Variants in FOXL2 observed in about 807,000 individuals in gnomAD.
The protein encoded by FOXL2 is forkhead box L2, also known as forkhead box protein L2.
FOXL2 carries 3 observed loss-of-function variants against 2.5 expected under a neutral mutation model. The observed-to-expected ratio is 1.20, with a 90% CI of 0.55 to 3.11. The LOEUF (loss-of-function observed/expected upper bound fraction) is 3.11, where lower values mean the gene tolerates loss of function less well. FOXL2 is among the 30% of genes most tolerant of loss of function. The pLI, the probability that FOXL2 is intolerant of heterozygous loss-of-function variation, is 0.03. For synonymous variants in FOXL2, 315 were observed against 269.4 expected, an observed-to-expected ratio of 1.17 and a Z score of -1.66; for missense variants, 512 against 570.0, an observed-to-expected ratio of 0.90 and a Z score of 1.04.
chr3:138,946,596 C>A lies in FOXL2; in HGVS notation c.127G>T (p.Gly43Trp). The change falls in exon 1 of 1, where the codon GGG becomes TGG. Residue 43 changes from glycine (G) to tryptophan (W), a missense_variant. Coordinates refer to ENST00000648323, the MANE Select transcript of FOXL2 (RefSeq NM_023067.4). ...SPGKGGGGGG[G>W]TAPEKPDPAQ... ...GGGTCCGGCTTCTCCGGGGCTGTCC[C>A]GCCGCCACCCCCACCGCCCTTGCCT... is the stretch of plus-strand genomic sequence containing the variant. 1 of 1,605,386 alleles carries A rather than the reference C, an allele frequency of 6.2e-7. No homozygotes were observed. The highest frequency in any genetic ancestry group is 2.2e-5 in the East Asian group (1 of 44,726).
chr3:138,945,239 G>GTCAGT lies in FOXL2; in HGVS notation c.*352_*353insACTGA. The GTCAGT allele has an allele frequency of 8.1e-6, 2 of 245,950 alleles. No individual in the cohort carries two copies. Among genetic ancestry groups the GTCAGT allele is most frequent in the South Asian group, 1.6e-4 (1 of 6,312 alleles). The allele number at this position is 245,950 out of a possible 1,614,324, so 15.2% of individuals were successfully genotyped here. A position where few individuals can be genotyped will look rare whatever the true frequency, so the allele number is the denominator to read the frequency against. ...CAAGAGGTCTGCGCTGCCGACGCCC[G>GTCAGT]GTCGCACCTCCGCCCCGGGCCCTTT... On this transcript the variant is annotated 3_prime_UTR_variant, in exon 1 of 1. Transcript: ENST00000648323.
chr3:138,944,791 T>A lies in FOXL2; in HGVS notation c.*801A>T. 1 of 232,392 alleles carries A rather than the reference T, an allele frequency of 4.3e-6. No homozygotes were observed. The highest frequency in any genetic ancestry group is 1.3e-3 in the Middle Eastern group (1 of 778). The allele number at this position is 232,392 out of a possible 1,614,324, so 14.4% of individuals were successfully genotyped here. A position where few individuals can be genotyped will look rare whatever the true frequency, so the allele number is the denominator to read the frequency against. On this transcript the variant is annotated 3_prime_UTR_variant, in exon 1 of 1. Transcript: ENST00000648323. ...TCCAAGGCCACAATACTTCCCCGGT[T>A]GCCCGGTGAATTTTTTTTCCTTTTT...
rs1935998331 is a variant in FOXL2 at position 138,947,068 on chromosome 3, AG to A, written c.-347del. On this transcript the variant is annotated 5_prime_UTR_variant, in exon 1 of 1. Transcript: ENST00000648323. This position sits in a 1 kb window ranked among gnomAD's most constrained non-coding sequence, Gnocchi z 5.2. ...CTCCCCCCGCCCCCCGGTTTCCCGA[AG>A]CACGACCCGCGTCTCTGGCGGAGCT... The A allele has an allele frequency of 3.8e-6, 1 of 260,268 alleles. No homozygotes were observed. Among genetic ancestry groups the A allele is most frequent in the Non-Finnish European group, 6.9e-6 (1 of 145,282 alleles). 16.1% of individuals were successfully genotyped at this position (260,268 alleles called of 1,614,324 possible).
rs140230355 is a variant in FOXL2, at chr3:138,945,694, C to A, written c.1029G>T (p.Leu343=). 3.1e-5 allele frequency: 49 copies of A among 1,561,946 alleles called. No homozygotes were observed. In the African/African-American group the frequency reaches 5.8e-4, roughly 18 times the overall value. ...CGGGCTGCCGGGCACAAGCGAACTG[C>A]AGGCCCGGCGCACTGGTGGGCGCGG... The part of the protein sequence containing the change: ...PAPAPTSAPG[L]QFACARQPEL... Residue 343 remains leucine (L), a synonymous_variant, in exon 1 of 1, where the codon CTG becomes CTT. Coordinates refer to ENST00000648323, the MANE Select transcript of FOXL2 (RefSeq NM_023067.4).
chr3:138,944,289 A>T lies in FOXL2; in HGVS notation c.*1303T>A, dbSNP rs76490864. ...GCAAAAAACAAAAACAAAACAAAAA[A>T]ACACAACAAAAGTGCTCTAGTTCTC... On this transcript the variant is annotated 3_prime_UTR_variant, in exon 1 of 1. Transcript: ENST00000648323. 0.066 allele frequency: 15,445 copies of T among 233,250 alleles called. 1,751 individuals are homozygous for T. The highest frequency in any genetic ancestry group is 0.27 in the African/African-American group (12,271 of 45,378). 14.4% of individuals were successfully genotyped at this position (233,250 alleles called of 1,614,324 possible).
chr3:138,946,712 C>G lies in FOXL2; in HGVS notation c.11G>C (p.Ser4Thr). 1 of 1,580,636 alleles carries G rather than the reference C, an allele frequency of 6.3e-7. No individual in the cohort carries two copies. The highest frequency in any genetic ancestry group is 1.1e-5 in the South Asian group (1 of 87,914). MMA[S>T]YPEPEDAAGA... Reference sequence around the variant, plus strand: ...CGCCGCGTCCTCGGGCTCGGGGTAGCTGGCCATCATGACAAAGCCGGCGCG... The same window carrying G: ...CGCCGCGTCCTCGGGCTCGGGGTAGGTGGCCATCATGACAAAGCCGGCGCG... Residue 4 changes from serine to threonine, a missense_variant, in exon 1 of 1, where the codon AGC becomes ACC. This residue lies in a region of FOXL2 where 92 missense variants were observed against 77.8 expected (regional missense o/e 1.18). Transcript: ENST00000648323.
Position 138,946,905 on chromosome 3 carries a change from T to A in FOXL2, c.-183A>T. The A allele has an allele frequency of 1.1e-6, 1 of 896,170 alleles. No individual in the cohort carries two copies. Among genetic ancestry groups the A allele is most frequent in the Non-Finnish European group, 1.7e-6 (1 of 601,692 alleles). 55.5% of individuals were successfully genotyped at this position (896,170 alleles called of 1,614,324 possible). A position where few individuals can be genotyped will look rare whatever the true frequency, so the allele number is the denominator to read the frequency against. On this transcript the variant is annotated 5_prime_UTR_variant, in exon 1 of 1. Coordinates refer to ENST00000648323, the MANE Select transcript of FOXL2 (RefSeq NM_023067.4). Reference sequence around the variant, plus strand: ...CTCTCCCCTCTCCTTCCCCTTCCCCTAGGGAGCGGCCGGCGGGAGTGGAGC... The same window carrying A: ...CTCTCCCCTCTCCTTCCCCTTCCCCAAGGGAGCGGCCGGCGGGAGTGGAGC...
At position 138,944,336 on chromosome 3, in the gene FOXL2, A is replaced by G; in HGVS notation, c.*1256T>C. 4.3e-6 allele frequency: 1 copy of G among 233,344 alleles called. No homozygotes were observed. The highest frequency in any genetic ancestry group is 8.5e-6 in the Non-Finnish European group (1 of 117,804). 14.5% of individuals were successfully genotyped at this position (233,344 alleles called of 1,614,324 possible). A position where few individuals can be genotyped will look rare whatever the true frequency, so the allele number is the denominator to read the frequency against. ...TCTCTCTAGAAAATTTGGTCCCCCA[A>G]ACAACAAGCTACAGTACAACCAGGT... is the stretch of plus-strand genomic sequence containing the variant. On this transcript the variant is annotated 3_prime_UTR_variant, in exon 1 of 1. Coordinates refer to ENST00000648323, the MANE Select transcript of FOXL2 (RefSeq NM_023067.4).
chr3:138,946,035 C>G lies in FOXL2; in HGVS notation c.688G>C (p.Ala230Pro). Reference protein sequence around the residue: ...MAAAAAAAAAAAAAAGPGSPG... With the variant: ...MAAAAAAAAAPAAAAGPGSPG... ...CTACCGGGGCCCGCGGCTGCAGCCG[C>G]AGCTGCTGCAGCCGCTGCGGCTGCC... is the stretch of plus-strand genomic sequence containing the variant. The change falls in exon 1 of 1, where the codon GCG becomes CCG. Residue 230 changes from alanine to proline, a missense_variant. Physicochemically the swap from Ala to Pro is conservative, Grantham distance 27 (BLOSUM62 -1). Transcript: ENST00000648323. 1 of 1,393,292 alleles carries G rather than the reference C, an allele frequency of 7.2e-7. No homozygotes were observed. The highest frequency in any genetic ancestry group is 9.2e-7 in the Non-Finnish European group (1 of 1,085,550). The allele number at this position is 1,393,292 out of a possible 1,614,324, so 86.3% of individuals were successfully genotyped here. A position where few individuals can be genotyped will look rare whatever the true frequency, so the allele number is the denominator to read the frequency against.
Position 138,945,510 on chromosome 3 carries a change from GCGGCGTCGTCGGCTGCGACCGGGGC to G in FOXL2, c.*57_*81del. 6.5e-7 allele frequency: 1 copy of G among 1,543,332 alleles called. No individual in the cohort carries two copies. The highest frequency in any genetic ancestry group is 8.8e-7 in the Non-Finnish European group (1 of 1,141,408). ...CAGAGGGTGTGAGGTCAGGCTGGCG[GCGGCGTCGTCGGCTGCGACCGGGGC>G]CGGCGTCGCGCGTCCCTGCATCCTC... On this transcript the variant is annotated 3_prime_UTR_variant, in exon 1 of 1. Coordinates refer to ENST00000648323, the MANE Select transcript of FOXL2 (RefSeq NM_023067.4).
Position 138,947,119 on chromosome 3 carries a change from A to C in FOXL2, c.-397T>G, listed in dbSNP as rs893285499. 2.2e-6 allele frequency: 1 copy of C among 451,498 alleles called. No individual in the cohort carries two copies. Among genetic ancestry groups the C allele is most frequent in the African/African-American group, 2.3e-5 (1 of 43,856 alleles). The allele number at this position is 451,498 out of a possible 1,614,324, so 28.0% of individuals were successfully genotyped here. A position where few individuals can be genotyped will look rare whatever the true frequency, so the allele number is the denominator to read the frequency against. On this transcript the variant is annotated 5_prime_UTR_variant, in exon 1 of 1. Transcript: ENST00000648323. This position sits in a 1 kb window ranked among gnomAD's most constrained non-coding sequence, Gnocchi z 5.2. ...TGCCTCCTGGAGTCCCTAGTGCGCC[A>C]GGAGCCTCGCTCTGTTCTGATTCGT...
Position 138,944,295 on chromosome 3 carries a change from A to T in FOXL2, c.*1297T>A, listed in dbSNP as rs1935903565. On this transcript the variant is annotated 3_prime_UTR_variant, in exon 1 of 1. Transcript: ENST00000648323. ...AACAAAAACAAAACAAAAAAACACA[A>T]CAAAAGTGCTCTAGTTCTCTCTAGA... is the stretch of plus-strand genomic sequence containing the variant. 4.3e-6 allele frequency: 1 copy of T among 233,170 alleles called. No homozygotes were observed. Among genetic ancestry groups the T allele is most frequent in the South Asian group, 1.8e-4 (1 of 5,538 alleles). The allele number at this position is 233,170 out of a possible 1,614,324, so 14.4% of individuals were successfully genotyped here. A position where few individuals can be genotyped will look rare whatever the true frequency, so the allele number is the denominator to read the frequency against.
chr3:138,946,573 G>C lies in FOXL2; in HGVS notation c.150C>G (p.Asp50Glu), dbSNP rs1935978314. Residue 50 changes from aspartate (D) to glutamate (E), a missense_variant, in exon 1 of 1, where the codon GAC (aspartate) becomes GAG (glutamate). Physicochemically the swap from Asp to Glu is conservative, Grantham distance 45. Around this residue, in one of 5 missense-constraint regions of FOXL2, gnomAD observed 92 missense variants for 77.8 expected, o/e 1.18. Transcript: ENST00000648323. Reference protein sequence around the residue: ...GGGGTAPEKPDPAQKPPYSYV... With the variant: ...GGGGTAPEKPEPAQKPPYSYV... ...ACGAGTACGGGGGCTTCTGCGCCGG[G>C]TCCGGCTTCTCCGGGGCTGTCCCGC... is the stretch of plus-strand genomic sequence containing the variant. The C allele has an allele frequency of 6.2e-7, 1 of 1,609,800 alleles. No individual in the cohort carries two copies. The highest frequency in any genetic ancestry group is 1.1e-5 in the South Asian group (1 of 91,058).
chr3:138,945,555 ATCC>A lies in FOXL2; in HGVS notation c.*34_*36del, dbSNP rs772904769. The A allele has an allele frequency of 3.8e-6, 6 of 1,594,782 alleles. No individual in the cohort carries two copies. In the African/African-American group the frequency reaches 8.1e-5, roughly 21 times the overall value. On this transcript the variant is annotated 3_prime_UTR_variant, in exon 1 of 1. Transcript: ENST00000648323. ...CGGGGCCGGCGTCGCGCGTCCCTGC[ATCC>A]TCGCATCCGTCTGCACCGGCATGCG...
chr3:138,945,707 C>A lies in FOXL2; in HGVS notation c.1016G>T (p.Ser339Ile), dbSNP rs765755255. Residue 339 changes from serine (S) to isoleucine (I), a missense_variant, in exon 1 of 1, where the codon AGT becomes ATT. Ser to Ile is a moderately radical substitution (Grantham distance 142). Transcript: ENST00000648323. The stretch of plus-strand genomic sequence containing the variant: ...ACAAGCGAACTGCAGGCCCGGCGCA[C>A]TGGTGGGCGCGGGCGCCGGGGGCGC... The part of the protein sequence containing the change: ...TAAPPAPAPT[S>I]APGLQFACAR... 2.0e-6 allele frequency: 3 copies of A among 1,495,406 alleles called. No homozygotes were observed. In the South Asian group the frequency reaches 3.8e-5, roughly 19 times the overall value. 92.6% of individuals were successfully genotyped at this position (1,495,406 alleles called of 1,614,324 possible).
chr3:138,945,955 C>T lies in FOXL2; in HGVS notation c.768G>A (p.Gly256=), dbSNP rs1358191857. 5.7e-6 allele frequency: 8 copies of T among 1,412,780 alleles called. No homozygotes were observed. The highest frequency in any genetic ancestry group is 7.3e-6 in the Non-Finnish European group (8 of 1,095,810). The allele number at this position is 1,412,780 out of a possible 1,614,324, so 87.5% of individuals were successfully genotyped here. A position where few individuals can be genotyped will look rare whatever the true frequency, so the allele number is the denominator to read the frequency against. ...CCATGCTCTGCACGCGTGTGTACGG[C>T]CCGTACGAGGCGGCCGGGCCCGCCA... ...KGLAGPAASY[G]PYTRVQSMAL... is the part of the protein sequence containing the mutation. Residue 256 remains glycine, a synonymous_variant, in exon 1 of 1, where the codon GGG becomes GGA. Coordinates refer to ENST00000648323, the MANE Select transcript of FOXL2 (RefSeq NM_023067.4).
At position 138,945,534 on chromosome 3, in the gene FOXL2, G is replaced by A. The variant is rs951569056; in HGVS notation, c.*58C>T. ...GGCGGCGTCGTCGGCTGCGACCGGG[G>A]CCGGCGTCGCGCGTCCCTGCATCCT... On this transcript the variant is annotated 3_prime_UTR_variant, in exon 1 of 1. Transcript: ENST00000648323. 3.8e-6 allele frequency: 6 copies of A among 1,570,162 alleles called. No individual in the cohort carries two copies. The highest frequency in any genetic ancestry group is 3.3e-5 in the South Asian group (3 of 89,952).
In FOXL2 at chr3:138,946,848, GC is replaced by G; in HGVS notation, c.-127del. 1 of 1,362,260 alleles carries G rather than the reference GC, an allele frequency of 7.3e-7. No individual in the cohort carries two copies. The highest frequency in any genetic ancestry group is 1.4e-5 in the South Asian group (1 of 71,662). The allele number at this position is 1,362,260 out of a possible 1,614,324, so 84.4% of individuals were successfully genotyped here. ...CAAACTTCTGGAGACTGCGGATGCCGCCCGCGCTTGCTTGCTGGAGGCCTGT... is the reference window on the plus strand; with the variant it reads ...CAAACTTCTGGAGACTGCGGATGCCGCCGCGCTTGCTTGCTGGAGGCCTGT... On this transcript the variant is annotated 5_prime_UTR_variant, in exon 1 of 1. Coordinates refer to ENST00000648323, the MANE Select transcript of FOXL2 (RefSeq NM_023067.4).
At position 138,945,249 on chromosome 3, in the gene FOXL2, C is replaced by CGGTGGT; in HGVS notation, c.*342_*343insACCACC. On this transcript the variant is annotated 3_prime_UTR_variant, in exon 1 of 1. Transcript: ENST00000648323. ...GCGCTGCCGACGCCCGGTCGCACCTCCGCCCCGGGCCCTTTCCGCGGTGAA... is the reference window on the plus strand; with the variant it reads ...GCGCTGCCGACGCCCGGTCGCACCTCGGTGGTCGCCCCGGGCCCTTTCCGCGGTGAA... 2 of 245,634 alleles carry CGGTGGT rather than the reference C, an allele frequency of 8.1e-6. No individual in the cohort carries two copies. Among genetic ancestry groups the CGGTGGT allele is most frequent in the African/African-American group, 2.2e-5 (1 of 45,844 alleles). The allele number at this position is 245,634 out of a possible 1,614,324, so 15.2% of individuals were successfully genotyped here.
Sources: gnomAD v4.1 joint callset for allele counts on GRCh38, gnomAD v4.1.1 for gene constraint, gnomAD v4.1.1 regional missense constraint, Gnocchi (gnomAD v3.1) non-coding constraint, MANE v1.5 for transcripts, NCBI Gene and HGNC (gene_info 2026-07-23, HGNC 2026-07-21) for gene names.